The following TSPAN7 variants were observed in gnomAD, a reference collection of about 807,000 sequenced individuals.
TSPAN7 encodes the protein tetraspanin 7, also known as tetraspanin-7.
In TSPAN7, 1 loss-of-function variant was observed where a neutral mutation model predicts 17.6. The ratio of observed to expected loss-of-function variants is 0.06; its 90% CI spans 0.02 to 0.27. The LOEUF is 0.27. Ranked by LOEUF, TSPAN7 falls within the 10% of genes least tolerant of loss-of-function variation. The pLI, the probability that TSPAN7 is intolerant of heterozygous loss-of-function variation, is 1.00. For synonymous variants in TSPAN7, 78 were observed against 79.0 expected (o/e 0.99, Z 0.07); for missense variants, 112 against 201.7 (o/e 0.56, Z 2.69).
intron 1 of TSPAN7, among the ~76,000 whole-genome samples, chrX:38,663,075 A>G (rs1197204678): frequency 9.1e-6 from 1 of 110,301 alleles, no homozygotes; most frequent in Non-Finnish European, 1.9e-5. Context: ...TTATAGCAGC[A>G]CGATTCGCAA....
intron 1 of TSPAN7, among the ~76,000 whole-genome samples, chrX:38,650,480 G>A (rs2069670035): frequency 9.0e-6 from 1 of 111,097 alleles, no homozygotes; most frequent in Non-Finnish European, 1.9e-5. Flanking sequence ...GGCTGTGAGT[G>A]AAGACATGTG....
intron 1 of TSPAN7, among the ~76,000 whole-genome samples, chrX:38,578,997 A>AG (rs2069212107): frequency 9.0e-6 from 1 of 111,523 alleles, no homozygotes. Flanking sequence ...ACAAATCCTG[A>AG]GGGGGATCCA....
chrX:38,683,490 G>T (rs1378010311), intron 6 of TSPAN7, among the ~76,000 whole-genome samples: 2 of 112,595 alleles, frequency 1.8e-5, no homozygotes, highest in Non-Finnish European at 3.8e-5. Context: ...TCTCATCAAG[G>T]TGCCACATAG....
chrX:38,676,029 T>C (rs2069851849), intron 5 of TSPAN7, among the ~76,000 whole-genome samples, 169 bp downstream of exon 5: 1 of 111,934 alleles, frequency 8.9e-6, no homozygotes, highest in Admixed American at 9.5e-5. Context: ...TGCTCACTTC[T>C]AAAAGAGAAA....
intron 1 of TSPAN7, among the ~76,000 whole-genome samples, chrX:38,642,145 G>T (rs1167641462): frequency 8.9e-6 from 1 of 111,745 alleles, no homozygotes; most frequent in Non-Finnish European, 1.9e-5. Flanking sequence ...CCTGTCTGCA[G>T]TGGTTCCCAG....
intron 1 of TSPAN7, among the ~76,000 whole-genome samples, chrX:38,661,399 C>T (rs1041610273): frequency 8.9e-6 from 1 of 112,558 alleles, no homozygotes; most frequent in Non-Finnish European, 1.9e-5. Context: ...TACTCTGTCT[C>T]ATCACCAAGC....
chrX:38,652,703 C>T (rs758821551), intron 1 of TSPAN7, among the ~76,000 whole-genome samples: 1 of 112,304 alleles, frequency 8.9e-6, no homozygotes, highest in Non-Finnish European at 1.9e-5. Flanking sequence ...ACGGGAGGCC[C>T]GTCCCAGGAA....
At chrX:38,572,543 T>G (rs2069174721) in intron 1 of TSPAN7, among the ~76,000 whole-genome samples, 1 of 111,901 alleles carries the variant, frequency 8.9e-6, no homozygotes, top group Admixed American at 9.5e-5. Context: ...GCTATTCTTC[T>G]TAGTGAAATG....
intron 1 of TSPAN7, among the ~76,000 whole-genome samples, chrX:38,626,888 C>T (rs1033716589): frequency 8.1e-5 from 9 of 111,306 alleles, no homozygotes; most frequent in African/African-American, 2.9e-4. Flanking sequence ...TGGGAGTTAC[C>T]TAGCTGTCAG....
At chrX:38,660,562 G>T (rs111260569) in intron 1 of TSPAN7, among the ~76,000 whole-genome samples, 2,672 of 112,072 alleles carry the variant, frequency 0.024, 92 homozygotes, top group African/African-American at 0.083. Context: ...TCAGTGTCAC[G>T]CATTTTCTTC....
chrX:38,569,274 A>G (rs1382271777), intron 1 of TSPAN7, among the ~76,000 whole-genome samples: 3 of 111,264 alleles, frequency 2.7e-5, no homozygotes, highest in Non-Finnish European at 5.7e-5. Context: ...GATATCCTAC[A>G]GAAGAATCTT....
At chrX:38,675,584 A>AGCT (rs1569315996) in intron 4 of TSPAN7, 121 bp from the exon 5 acceptor site, 1 of 842,965 alleles carries the variant, frequency 1.2e-6, no homozygotes, top group Admixed American at 2.6e-5. Flanking sequence ...GACTCACCAA[A>AGCT]GCTGCACATG....
intron 1 of TSPAN7, chrX:38,608,223 C>A (rs2069396035): frequency 9.0e-6 from 1 of 110,740 alleles, no homozygotes; most frequent in African/African-American, 3.3e-5. Context: ...AGTAATGTTA[C>A]AGCTCTTTTA....
At chrX:38,587,269 C>G (rs2069263680) in intron 1 of TSPAN7, among the ~76,000 whole-genome samples, 1 of 112,316 alleles carries the variant, frequency 8.9e-6, no homozygotes, top group African/African-American at 3.2e-5. Context: ...TCTCCCCATT[C>G]ACTGTTATTT....
intron 1 of TSPAN7, among the ~76,000 whole-genome samples, chrX:38,591,379 G>T (rs1474211343): frequency 9.0e-6 from 1 of 111,282 alleles, no homozygotes; most frequent in Non-Finnish European, 1.9e-5. Context: ...ATTTATTTGT[G>T]GGAAGAACAT....
intron 1 of TSPAN7, among the ~76,000 whole-genome samples, chrX:38,633,914 TG>T (rs748262017): frequency 9.8e-5 from 11 of 112,251 alleles, no homozygotes; most frequent in Non-Finnish European, 1.7e-4. Flanking sequence ...TGTTTATTCT[TG>T]CTAAAATTTT....
At chrX:38,604,589 G>T (rs2069366608) in intron 1 of TSPAN7, among the ~76,000 whole-genome samples, 1 of 111,177 alleles carries the variant, frequency 9.0e-6, no homozygotes, top group Non-Finnish European at 1.9e-5. Flanking sequence ...GTATCTCATT[G>T]TGGTTTTGAT....
chrX:38,684,019 T>G (rs1488075090), intron 6 of TSPAN7, among the ~76,000 whole-genome samples: 1 of 112,547 alleles, frequency 8.9e-6, no homozygotes, highest in East Asian at 2.8e-4. Context: ...GAGCTCGCTC[T>G]CTCTCTTCCT....
At chrX:38,686,306 G>A (rs1317713548) in intron 6 of TSPAN7, among the ~76,000 whole-genome samples, 1 of 112,120 alleles carries the variant, frequency 8.9e-6, no homozygotes, top group Non-Finnish European at 1.9e-5. Flanking sequence ...GAACCTGCAT[G>A]GATAGGTTAA....
Sources: gnomAD v4.1 joint callset for allele counts (sites outside exome capture counted in the v4.1 genomes callset) on GRCh38, gnomAD v4.1.1 for gene constraint, MANE v1.5 for transcripts, NCBI Gene and HGNC (gene_info 2026-07-23, HGNC 2026-07-21) for gene names.